Variants in RBM6 observed in about 807,000 individuals in gnomAD.
RBM6 encodes the protein RNA-binding protein 6.
A neutral mutation model predicts 140.4 loss-of-function variants in RBM6; 23 were observed. The ratio of observed to expected loss-of-function variants is 0.16; its 90% CI spans 0.12 to 0.23. The LOEUF (loss-of-function observed/expected upper bound fraction) is 0.23. Ranked by LOEUF, RBM6 falls within the 10% of genes least tolerant of loss-of-function variation. The pLI, the probability that RBM6 is intolerant of heterozygous loss-of-function variation, is 1.00. For synonymous variants in RBM6, 439 were observed against 475.6 expected (o/e 0.92, Z 1.00); for missense variants, 1,139 against 1,386.7 (o/e 0.82, Z 2.84).
intron 1 of RBM6, among the ~76,000 whole-genome samples, chr3:49,957,048 T>A (rs1449796066): frequency 1.3e-5 from 2 of 152,178 alleles, no homozygotes; most frequent in Non-Finnish European, 2.9e-5. Context: ...AGTGATGAGA[T>A]CATAGCTCAC....
At chr3:50,032,536 A>G (rs886342474) in intron 6 of RBM6, among the ~76,000 whole-genome samples, 1 of 151,964 alleles carries the variant, frequency 6.6e-6, no homozygotes, top group Non-Finnish European at 1.5e-5. Flanking sequence ...GAGCAAATAG[A>G]CATTGGGAGA....
chr3:50,075,188 G>T lies in RBM6; in HGVS notation c.3117-13G>T. ...AAAAAAAAAGGAAGTGATGGTGTCT[G>T]CTTCTTTTGCAGTGATCGTAAACTT... On this transcript the variant is annotated splice_polypyrimidine_tract_variant and intron_variant, in intron 19 of 20. Coordinates refer to ENST00000266022, the MANE Select transcript of RBM6 (RefSeq NM_005777.3). 6.2e-7 allele frequency: 1 copy of T among 1,604,190 alleles called. No homozygotes were observed.
chr3:50,056,674 A>G (rs1020123725), intron 8 of RBM6, among the ~76,000 whole-genome samples: 1 of 152,206 alleles, frequency 6.6e-6, no homozygotes, highest in African/African-American at 2.4e-5. Context: ...TGTCACTGCT[A>G]TTATGTAATC....
At chr3:50,004,310 C>CTCCCCT (rs56655270) in intron 6 of RBM6, among the ~76,000 whole-genome samples, 3 of 139,050 alleles carry the variant, frequency 2.2e-5, no homozygotes, top group Non-Finnish European at 3.0e-5. Context: ...CTCCCCTCCC[C>CTCCCCT]CCCCTCCCCT....
chr3:50,049,695 T>A lies in RBM6; in HGVS notation c.1632+1376T>A, dbSNP rs576023886. ...CATATTTCATGGATATACTCCCTTA[T>A]GGTGTCATTTTAGGAAGATATTTCG... On this transcript the variant is annotated intron_variant, in intron 7 of 20. Transcript: ENST00000266022. 1.3e-4 allele frequency among the ~76,000 whole-genome samples: 20 copies of A among 152,310 alleles called. 1 individual carries two copies. The South Asian group carries it at 4.1e-3, about 32-fold the overall frequency.
intron 1 of RBM6, among the ~76,000 whole-genome samples, chr3:49,949,423 C>T (rs1173219486): frequency 2.0e-5 from 3 of 151,800 alleles, no homozygotes; most frequent in Non-Finnish European, 4.4e-5. Flanking sequence ...GACGGAGTCT[C>T]ACTCTGTCCC....
At chr3:50,026,383 C>CA (rs2087823087) in intron 6 of RBM6, among the ~76,000 whole-genome samples, 1 of 127,666 alleles carries the variant, frequency 7.8e-6, no homozygotes, top group Non-Finnish European at 1.7e-5. Context: ...GTGCCCGGCC[C>CA]TTTTTTTTTT....
At chr3:50,044,036 G>A (rs1027950037) in intron 6 of RBM6, among the ~76,000 whole-genome samples, 5 of 151,848 alleles carry the variant, frequency 3.3e-5, no homozygotes, top group African/African-American at 7.3e-5. Flanking sequence ...GTATATCACC[G>A]CAACCAGCTA....
At chr3:49,955,844 GTCTC>G (rs150607037) in intron 1 of RBM6, among the ~76,000 whole-genome samples, 5 of 145,008 alleles carry the variant, frequency 3.4e-5, no homozygotes, top group Non-Finnish European at 6.1e-5. Context: ...CTCTCTCTGT[GTCTC>G]TCTCTCTCTC....
intron 5 of RBM6, among the ~76,000 whole-genome samples, chr3:49,980,561 AC>A (rs1262826773): frequency 6.6e-6 from 1 of 151,250 alleles, no homozygotes; most frequent in African/African-American, 2.4e-5. Context: ...GGAGTTTGAG[AC>A]CAGCCTGGCC....
intron 6 of RBM6, among the ~76,000 whole-genome samples, chr3:50,016,084 T>G (rs1441837657): frequency 6.6e-6 from 1 of 152,152 alleles, no homozygotes; most frequent in African/African-American, 2.4e-5. Flanking sequence ...ATTCTCCCGT[T>G]CTCCTCCACC....
chr3:49,987,927 C>T (rs1257280866), intron 5 of RBM6, among the ~76,000 whole-genome samples: 5 of 152,148 alleles, frequency 3.3e-5, no homozygotes, highest in Non-Finnish European at 7.4e-5. Context: ...TATGAGCCAC[C>T]ACGCCCGGTC....
intron 19 of RBM6, among the ~76,000 whole-genome samples, chr3:50,072,745 G>C (rs2090344199): frequency 6.6e-6 from 1 of 152,056 alleles, no homozygotes; most frequent in Non-Finnish European, 1.5e-5. Context: ...CATTCCATTG[G>C]GTCATTCTCT....
At chr3:49,948,914 T>C in intron 1 of RBM6, among the ~76,000 whole-genome samples, 1 of 138,732 alleles carries the variant, frequency 7.2e-6, no homozygotes, top group East Asian at 2.4e-4. Flanking sequence ...CACTGCAACC[T>C]CTGCCTCCTG....
At chr3:49,940,880 T>C (rs2083254316) in intron 1 of RBM6, 1 of 148,450 alleles carries the variant, frequency 6.7e-6, no homozygotes, top group African/African-American at 2.5e-5. Flanking sequence ...GGGTTCAACT[T>C]TGGGAATGCC....
At chr3:50,037,643 A>AT (rs1295967115) in intron 6 of RBM6, among the ~76,000 whole-genome samples, 1 of 151,490 alleles carries the variant, frequency 6.6e-6, no homozygotes, top group African/African-American at 2.4e-5. Flanking sequence ...GTCTCTTTTT[A>AT]TTTTTTTTCC....
At chr3:50,041,039 A>G (rs2088889740) in intron 6 of RBM6, among the ~76,000 whole-genome samples, 1 of 152,204 alleles carries the variant, frequency 6.6e-6, no homozygotes, top group Admixed American at 6.5e-5. Context: ...TTTGCTTCAG[A>G]GAACACAAAT....
intron 6 of RBM6, among the ~76,000 whole-genome samples, chr3:50,021,931 C>T (rs1000337313): frequency 1.3e-5 from 2 of 151,062 alleles, no homozygotes; most frequent in East Asian, 2.0e-4. Flanking sequence ...TTGTACCTAT[C>T]GTAGCTTCTC....
intron 5 of RBM6, among the ~76,000 whole-genome samples, chr3:49,993,100 G>A (rs1473190013): frequency 6.6e-6 from 1 of 152,096 alleles, no homozygotes; most frequent in Non-Finnish European, 1.5e-5. Flanking sequence ...ACTTCCATTA[G>A]ATTAAACTCT....
Sources: gnomAD v4.1 joint callset for allele counts (sites outside exome capture counted in the v4.1 genomes callset) on GRCh38, gnomAD v4.1.1 for gene constraint, MANE v1.5 for transcripts, NCBI Gene and HGNC (gene_info 2026-07-23, HGNC 2026-07-21) for gene names.